Variants in NAALADL2 observed in about 807,000 individuals in gnomAD.
NAALADL2 encodes N-acetylated alpha-linked acidic dipeptidase like 2.
A neutral mutation model predicts 87.2 loss-of-function variants in NAALADL2; 76 were observed. The observed-to-expected ratio is 0.87, with a 90% CI of 0.72 to 1.05. NAALADL2 has a LOEUF of 1.05. Ranked by LOEUF, NAALADL2 falls within the 50% of genes least tolerant of loss-of-function variation. The pLI, the probability that NAALADL2 is intolerant of heterozygous loss-of-function variation, is 0.00. For synonymous variants in NAALADL2, 354 were observed against 331.0 expected, an observed-to-expected ratio of 1.07 and a Z score of -0.75; for missense variants, 1,089 against 945.8, an observed-to-expected ratio of 1.15 and a Z score of -1.99.
chr3:174,664,499 T>C (rs533703530), intron 2 of NAALADL2, among the ~76,000 whole-genome samples: 2 of 152,330 alleles, frequency 1.3e-5, no homozygotes. Context: ...CTGATTTCAC[T>C]ACTAGCATCA....
At chr3:175,741,661 A>G (rs1478895526) in intron 12 of NAALADL2, among the ~76,000 whole-genome samples, 1 of 152,196 alleles carries the variant, frequency 6.6e-6, no homozygotes, top group Non-Finnish European at 1.5e-5. Context: ...AGAACCCAGA[A>G]GAGATACATA....
At chr3:175,737,487 C>A in intron 12 of NAALADL2, 88 bp downstream of exon 12, 1 of 810,212 alleles carries the variant, frequency 1.2e-6, no homozygotes, top group Non-Finnish European at 2.1e-6. Flanking sequence ...CATCAATGAT[C>A]TTACTAGCCA....
intron 1 of NAALADL2, among the ~76,000 whole-genome samples, chr3:174,882,783 ATG>A (rs1368563275): frequency 9.4e-6 from 1 of 106,384 alleles, no homozygotes; most frequent in African/African-American, 4.5e-5. Context: ...ATATATACAT[ATG>A]TGTATATATA....
chr3:175,198,050 T>C (rs1739281162), intron 2 of NAALADL2, among the ~76,000 whole-genome samples: 1 of 152,142 alleles, frequency 6.6e-6, no homozygotes, highest in Non-Finnish European at 1.5e-5. Flanking sequence ...AACAAAGTTA[T>C]CCTGTAAAAT....
chr3:174,657,280 T>A (rs1433539726), intron 2 of NAALADL2, among the ~76,000 whole-genome samples: 1 of 151,852 alleles, frequency 6.6e-6, no homozygotes. Context: ...CCTGAGTAGG[T>A]AGGATTACAG....
chr3:175,631,051 TAATA>T (rs1376980740), intron 11 of NAALADL2, among the ~76,000 whole-genome samples: 1 of 151,486 alleles, frequency 6.6e-6, no homozygotes. Flanking sequence ...TAATTAAATA[TAATA>T]AATATGTATA....
At chr3:174,781,361 T>C (rs1487229458) in intron 3 of NAALADL2, among the ~76,000 whole-genome samples, 1 of 151,734 alleles carries the variant, frequency 6.6e-6, no homozygotes, top group Non-Finnish European at 1.5e-5. Context: ...CTGGATAATA[T>C]CCTGAAGAGT....
intron 2 of NAALADL2, among the ~76,000 whole-genome samples, chr3:175,131,776 C>A (rs1363918007): frequency 3.1e-5 from 4 of 128,618 alleles, no homozygotes; most frequent in East Asian, 2.1e-4. Flanking sequence ...AGGGGGCTGA[C>A]CCCCCCACCT....
intron 2 of NAALADL2, among the ~76,000 whole-genome samples, chr3:175,223,140 C>A (rs1164879629): frequency 2.2e-5 from 3 of 134,178 alleles, no homozygotes; most frequent in African/African-American, 7.8e-5. Flanking sequence ...GTGGTAAGGA[C>A]ACTGTTCTCT....
chr3:175,568,166 G>C (rs1292547031), intron 9 of NAALADL2, among the ~76,000 whole-genome samples: 2 of 151,042 alleles, frequency 1.3e-5, no homozygotes, highest in Non-Finnish European at 2.9e-5. Context: ...AAGCTCATTA[G>C]ATGTCGGCAT....
chr3:174,647,732 G>T (rs1723943152), intron 2 of NAALADL2, among the ~76,000 whole-genome samples: 1 of 152,162 alleles, frequency 6.6e-6, no homozygotes, highest in Admixed American at 6.5e-5. Flanking sequence ...CCCTAAGGAA[G>T]TATTCAGTGA....
chr3:174,938,902 T>A (rs929212547), intron 1 of NAALADL2, among the ~76,000 whole-genome samples: 19 of 152,282 alleles, frequency 1.2e-4, no homozygotes, highest in African/African-American at 4.3e-4. Flanking sequence ...TTTAAGTTCC[T>A]TATAGAAGCT....
intron 2 of NAALADL2, 91 bp downstream of exon 2, chr3:175,097,382 A>C: frequency 8.3e-7 from 1 of 1,205,488 alleles, no homozygotes; most frequent in South Asian, 1.5e-5. Flanking sequence ...TTCATGGTTC[A>C]CGTCAGTGTT....
At chr3:174,970,985 C>T (rs1234408157) in intron 1 of NAALADL2, among the ~76,000 whole-genome samples, 2 of 152,144 alleles carry the variant, frequency 1.3e-5, no homozygotes, top group African/African-American at 4.8e-5. Context: ...CTTACAGGTC[C>T]ACATGGCTGG....
chr3:175,735,460 C>G (rs1299229228), intron 11 of NAALADL2, among the ~76,000 whole-genome samples: 1 of 152,134 alleles, frequency 6.6e-6, no homozygotes, highest in Non-Finnish European at 1.5e-5. Flanking sequence ...TTGTATCAGT[C>G]TGCTGCTGAT....
At chr3:174,920,557 A>T (rs369088109) in intron 1 of NAALADL2, among the ~76,000 whole-genome samples, 1 of 152,220 alleles carries the variant, frequency 6.6e-6, no homozygotes, top group African/African-American at 2.4e-5. Flanking sequence ...GACTAAGGGA[A>T]TGCTGTGGCT....
At chr3:174,489,532 A>G (rs1346160546) in intron 1 of NAALADL2, among the ~76,000 whole-genome samples, 1 of 152,074 alleles carries the variant, frequency 6.6e-6, no homozygotes, top group African/African-American at 2.4e-5. Flanking sequence ...CAAATTATAC[A>G]ATAAAAAATG....
intron 3 of NAALADL2, among the ~76,000 whole-genome samples, chr3:174,847,231 A>T (rs776926163): frequency 2.0e-5 from 3 of 152,166 alleles, no homozygotes; most frequent in Non-Finnish European, 2.9e-5. Flanking sequence ...TAGTTTACCT[A>T]TATATCTTAT....
chr3:175,087,619 T>A (rs1719277610), intron 1 of NAALADL2, among the ~76,000 whole-genome samples: 1 of 152,176 alleles, frequency 6.6e-6, no homozygotes, highest in Admixed American at 6.5e-5. Flanking sequence ...CCCAACCCCG[T>A]GCTCTCTGAA....
Sources: gnomAD v4.1 joint callset for allele counts (sites outside exome capture counted in the v4.1 genomes callset) on GRCh38, gnomAD v4.1.1 for gene constraint, MANE v1.5 for transcripts, NCBI Gene and HGNC (gene_info 2026-07-23, HGNC 2026-07-21) for gene names.